The following PDE4A variants were observed in gnomAD, a reference collection of about 807,000 sequenced individuals.
PDE4A encodes phosphodiesterase 4A, also known as 3',5'-cyclic-AMP phosphodiesterase 4A.
Under a neutral mutation model 73.9 loss-of-function variants are expected in PDE4A, and 21 were observed. The observed-to-expected ratio is 0.28, with a 90% CI of 0.20 to 0.41. The LOEUF is 0.41. Among genes scored for constraint, PDE4A ranks in the 10% least tolerant of loss-of-function variants. PDE4A has a pLI of 1.00. For missense variants in PDE4A, 958 were observed against 1,211.4 expected (o/e 0.79, Z 3.10); for synonymous variants, 463 against 505.4 (o/e 0.92, Z 1.13).
chr19:10,420,761 C>T lies in PDE4A; in HGVS notation c.-4C>T, dbSNP rs201974124. Reference sequence around the variant, plus strand: ...CCCCTGGGGCGCAAGTGGGGGCCGGCGCCATGGAACCCCCGACCGTCCCCT... The same window carrying T: ...CCCCTGGGGCGCAAGTGGGGGCCGGTGCCATGGAACCCCCGACCGTCCCCT... On this transcript the variant is annotated 5_prime_UTR_variant, in exon 1 of 15. Transcript: ENST00000380702. The surrounding 1 kb of genome is among the most constrained non-coding windows in gnomAD (Gnocchi z 6.0). 1 of 1,555,990 alleles carries T rather than the reference C, an allele frequency of 6.4e-7. No homozygotes were observed. Among genetic ancestry groups the T allele is most frequent in the Non-Finnish European group, 8.6e-7 (1 of 1,162,678 alleles).
intron 1 of PDE4A, chr19:10,432,321 G>A: frequency 3.2e-6 from 4 of 1,249,058 alleles, no homozygotes; most frequent in Non-Finnish European, 4.0e-6. Context: ...CACCAGAGGC[G>A]TGGAGGCGGT....
chr19:10,427,965 C>A (rs1300042405), intron 1 of PDE4A: 4 of 344,342 alleles, frequency 1.2e-5, no homozygotes, highest in Non-Finnish European at 1.6e-5. Flanking sequence ...ACTTGCACTG[C>A]AGTCTGGGTG....
intron 1 of PDE4A, chr19:10,429,070 A>C (rs2042753626): frequency 6.4e-6 from 1 of 156,562 alleles, no homozygotes. Context: ...GTGCCACTGC[A>C]CTCCAGTCTG....
At chr19:10,456,844 C>T (rs1057384579) in intron 7 of PDE4A, among the ~76,000 whole-genome samples, 3 of 152,188 alleles carry the variant, frequency 2.0e-5, no homozygotes, top group Non-Finnish European at 4.4e-5. Flanking sequence ...ATTTAATCCT[C>T]GCAGTTTATC....
chr19:10,436,963 C>T lies in PDE4A; in HGVS notation c.321-9255C>T, dbSNP rs148678302. Among the ~76,000 whole-genome samples the T allele has an allele frequency of 5.7e-4, 87 of 152,064 alleles. 1 individual carries two copies. In the East Asian group the frequency reaches 0.015, roughly 26 times the overall value. ...CTGAGTCAGGAGAATTGCTTGAGCC[C>T]GGCAGCAGAGGTTGCAGTGAGCTGA... On this transcript the variant is annotated intron_variant, in intron 1 of 14. Transcript: ENST00000380702.
chr19:10,459,812 T>A, intron 10 of PDE4A, 53 bp downstream of exon 10: 1 of 1,549,380 alleles, frequency 6.5e-7, no homozygotes, highest in South Asian at 1.2e-5. Context: ...TGACTGCCTC[T>A]TCAGCCTCCT....
At chr19:10,417,809 C>T (rs2042602807), upstream of PDE4A, 1 of 1,556,216 alleles carries the variant, frequency 6.4e-7, no homozygotes, top group Non-Finnish European at 8.6e-7. Flanking sequence ...CACGGCCCAC[C>T]ACCCTGCCGC....
intron 14 of PDE4A, among the ~76,000 whole-genome samples, chr19:10,466,445 A>C: frequency 2.3e-5 from 1 of 42,656 alleles, no homozygotes; most frequent in Non-Finnish European, 4.1e-5. Context: ...ACTCCGTCTC[A>C]AAAAAAAAAA....
At chr19:10,417,941 C>T (rs1243873289), upstream of PDE4A, 1 of 1,461,236 alleles carries the variant, frequency 6.8e-7, no homozygotes, top group African/African-American at 1.4e-5. Flanking sequence ...CAGCCACCAG[C>T]CCTTCCCGAT....
rs1048626064 is a variant in PDE4A at position 10,457,753 on chromosome 19, C to T, written c.878-126C>T. On this transcript the variant is annotated intron_variant, in intron 7 of 14. Coordinates refer to ENST00000380702, the MANE Select transcript of PDE4A (RefSeq NM_001111307.2). ...CCTGACTCTGAGTAGCCAGCGGCAT[C>T]ACAGCTGAAAGGGTTCTGCCGTTTC... 8.7e-5 allele frequency: 128 copies of T among 1,475,034 alleles called. 7 individuals are homozygous for T. The highest frequency in any genetic ancestry group is 2.7e-6 in the Non-Finnish European group (3 of 1,116,336). The allele number at this position is 1,475,034 out of a possible 1,614,324, so 91.4% of individuals were successfully genotyped here.
intron 7 of PDE4A, among the ~76,000 whole-genome samples, chr19:10,455,791 A>G (rs1456340497): frequency 6.6e-6 from 1 of 151,532 alleles, no homozygotes; most frequent in Non-Finnish European, 1.5e-5. Flanking sequence ...AAAAGCCTCC[A>G]AGCTGAAAAG....
At position 10,420,715 on chromosome 19, in the gene PDE4A, G is replaced by T; in HGVS notation, c.-50G>T. 1 of 1,444,478 alleles carries T rather than the reference G, an allele frequency of 6.9e-7. No homozygotes were observed. The highest frequency in any genetic ancestry group is 9.0e-7 in the Non-Finnish European group (1 of 1,111,252). The allele number at this position is 1,444,478 out of a possible 1,614,324, so 89.5% of individuals were successfully genotyped here. A position where few individuals can be genotyped will look rare whatever the true frequency, so the allele number is the denominator to read the frequency against. On this transcript the variant is annotated 5_prime_UTR_variant, in exon 1 of 15. Transcript: ENST00000380702. This position sits in a 1 kb window ranked among gnomAD's most constrained non-coding sequence, Gnocchi z 6.0. Reference sequence around the variant, plus strand: ...TGGCTTGCGCGCAGCTGAGCGGGGTGTAGGTTGGAAGGGCCAGGGCCCCCT... The same window carrying T: ...TGGCTTGCGCGCAGCTGAGCGGGGTTTAGGTTGGAAGGGCCAGGGCCCCCT...
At position 10,438,145 on chromosome 19, in the gene PDE4A, G is replaced by A. The variant is rs190346877; in HGVS notation, c.321-8073G>A. 8.9e-5 allele frequency among the ~76,000 whole-genome samples: 12 copies of A among 134,730 alleles called. No homozygotes were observed. In the East Asian group the frequency reaches 2.0e-3, roughly 23 times the overall value. The allele number at this position is 134,730 out of a possible 152,430, so 88.4% of individuals were successfully genotyped here. ...TTTTTTTTTTTTGAGACGGAGTCTCGCTCTGTCGCCAGGCTGGAGTGCAGT... is the reference window on the plus strand; with the variant it reads ...TTTTTTTTTTTTGAGACGGAGTCTCACTCTGTCGCCAGGCTGGAGTGCAGT... On this transcript the variant is annotated intron_variant, in intron 1 of 14. Transcript: ENST00000380702.
At chr19:10,449,295 C>A in intron 4 of PDE4A, 145 bp downstream of exon 4, 1 of 815,354 alleles carries the variant, frequency 1.2e-6, no homozygotes, top group African/African-American at 1.7e-5. Flanking sequence ...AGCCAGAGAG[C>A]CATTGCAGGT....
At chr19:10,461,793 C>A in intron 12 of PDE4A, 84 bp from the exon 13 acceptor site, 1 of 1,579,860 alleles carries the variant, frequency 6.3e-7, no homozygotes. Context: ...GAGCGGGCGG[C>A]TTCTACCTGG....
chr19:10,441,494 C>T lies in PDE4A; in HGVS notation c.321-4724C>T, dbSNP rs1215200960. Among the ~76,000 whole-genome samples the T allele has an allele frequency of 1.3e-5, 2 of 151,906 alleles. 1 individual carries two copies. The highest frequency in any genetic ancestry group is 1.3e-4 in the Admixed American group (2 of 15,214). ...CTGGCCACAAGCTCCTGGTCTCAAG[C>T]CATCCTTCCACCTCAGCCTCTGTTG... On this transcript the variant is annotated intron_variant, in intron 1 of 14. Transcript: ENST00000380702.
At chr19:10,442,121 T>C (rs1400331405) in intron 1 of PDE4A, among the ~76,000 whole-genome samples, 1 of 152,106 alleles carries the variant, frequency 6.6e-6, no homozygotes, top group Non-Finnish European at 1.5e-5. Context: ...ATGCTCTGAG[T>C]GGGTGCAAGT....
Position 10,467,201 on chromosome 19 carries a change from T to G in PDE4A, c.2241T>G (p.Asp747Glu), listed in dbSNP as rs199819673. The G allele has an allele frequency of 3.1e-6, 5 of 1,613,946 alleles. No homozygotes were observed. The African/African-American group carries it at 4.0e-5, about 13-fold the overall frequency. The part of the protein sequence containing the change: ...QGLSGVEEAL[D>E]ATIAWEASPA... ...TGTCAGGAGTCGAGGAAGCTCTGGATGCAACCATAGCCTGGGAGGCATCCC... is the reference window on the plus strand; with the variant it reads ...TGTCAGGAGTCGAGGAAGCTCTGGAGGCAACCATAGCCTGGGAGGCATCCC... The change falls in exon 15 of 15, where the codon GAT (aspartate) becomes GAG (glutamate). Residue 747 changes from aspartate (D) to glutamate (E), a missense_variant. By Grantham distance (45) the Asp-to-Glu change is conservative. Around this residue, in one of 3 missense-constraint regions of PDE4A, gnomAD observed 243 missense variants for 245.9 expected, o/e 0.99. Transcript: ENST00000380702.
chr19:10,421,239 G>GC (rs2042647652), intron 1 of PDE4A, 155 bp downstream of exon 1: 1 of 985,240 alleles, frequency 1.0e-6, no homozygotes, highest in Non-Finnish European at 1.2e-6. Context: ...CTGGGACCTG[G>GC]CCCCTGGTTG....
Sources: gnomAD v4.1 joint callset for allele counts (sites outside exome capture counted in the v4.1 genomes callset) on GRCh38, gnomAD v4.1.1 for gene constraint, gnomAD v4.1.1 regional missense constraint, Gnocchi (gnomAD v3.1) non-coding constraint, MANE v1.5 for transcripts, NCBI Gene and HGNC (gene_info 2026-07-23, HGNC 2026-07-21) for gene names.